The following PTPRR variants were observed in gnomAD, a reference collection of about 807,000 sequenced individuals.
PTPRR encodes the protein protein tyrosine phosphatase receptor type R, also known as receptor-type tyrosine-protein phosphatase R.
PTPRR carries 38 observed loss-of-function variants against 77.2 expected under a neutral mutation model. The ratio of observed to expected loss-of-function variants is 0.49; its 90% confidence interval spans 0.38 to 0.65. PTPRR has a LOEUF of 0.65. Ranked by LOEUF, PTPRR falls within the 30% of genes least tolerant of loss-of-function variation. The probability of loss-of-function intolerance (pLI) is 0.00; values close to 1 mark genes in which losing one functional copy is unlikely to be tolerated. For missense variants in PTPRR, 744 were observed against 799.2 expected (o/e 0.93, Z 0.83); for synonymous variants, 299 against 283.1 (o/e 1.06, Z -0.57).
At chr12:70,647,586 G>A (rs1247357086) in intron 13 of PTPRR, among the ~76,000 whole-genome samples, 4 of 152,324 alleles carry the variant, frequency 2.6e-5, no homozygotes, top group South Asian at 2.1e-4. Context: ...TACATGCAGC[G>A]AAGCTGGTTG....
At chr12:70,802,501 T>C (rs922688077) in intron 2 of PTPRR, among the ~76,000 whole-genome samples, 1 of 152,222 alleles carries the variant, frequency 6.6e-6, no homozygotes, top group African/African-American at 2.4e-5. Context: ...ATTTTGTTAT[T>C]TACCTCCAAA....
chr12:70,915,973 A>T (rs1029640232), intron 1 of PTPRR, among the ~76,000 whole-genome samples: 1 of 152,230 alleles, frequency 6.6e-6, no homozygotes, highest in Non-Finnish European at 1.5e-5. Context: ...CCTCTAATAC[A>T]TGCAATAATA....
intron 2 of PTPRR, among the ~76,000 whole-genome samples, chr12:70,776,416 A>C (rs1394960998): frequency 6.6e-6 from 1 of 152,180 alleles, no homozygotes; most frequent in Admixed American, 6.5e-5. Flanking sequence ...TTAATTCCCC[A>C]TATGGACATC....
intron 10 of PTPRR, chr12:70,673,069 A>G: frequency 1.7e-6 from 2 of 1,168,924 alleles, no homozygotes; most frequent in Non-Finnish European, 2.2e-6. Context: ...AAAGAAATAT[A>G]TATTTGACTT....
At chr12:70,901,421 A>G (rs1002068805) in intron 1 of PTPRR, among the ~76,000 whole-genome samples, 1 of 151,780 alleles carries the variant, frequency 6.6e-6, no homozygotes, top group Non-Finnish European at 1.5e-5. Flanking sequence ...ACATAGACCA[A>G]TGGAACAGAA....
intron 2 of PTPRR, among the ~76,000 whole-genome samples, chr12:70,828,041 G>A (rs533071364): frequency 1.2e-3 from 189 of 152,106 alleles, no homozygotes; most frequent in Non-Finnish European, 2.0e-3. Flanking sequence ...TCATAAGGGC[G>A]CTAATCCCGG....
intron 2 of PTPRR, among the ~76,000 whole-genome samples, chr12:70,848,488 A>T (rs1892522087): frequency 6.6e-6 from 1 of 152,016 alleles, no homozygotes; most frequent in Admixed American, 6.6e-5. Flanking sequence ...CTAATTTTTT[A>T]AATTATTTTA....
intron 2 of PTPRR, among the ~76,000 whole-genome samples, chr12:70,885,638 C>T (rs11178474): frequency 0.12 from 18,590 of 151,104 alleles, 2,125 homozygotes; most frequent in African/African-American, 0.31. Context: ...GGGTTCATGC[C>T]ATTCTCCTGC....
At chr12:70,672,052 G>A (rs966624543) in intron 10 of PTPRR, 16 of 1,312,114 alleles carry the variant, frequency 1.2e-5, no homozygotes, top group Non-Finnish European at 1.8e-5. Flanking sequence ...TGGGCCCAGA[G>A]ATGGAGAATG....
chr12:70,863,435 T>A (rs1654018328), intron 2 of PTPRR, among the ~76,000 whole-genome samples: 1 of 152,182 alleles, frequency 6.6e-6, no homozygotes, highest in Non-Finnish European at 1.5e-5. Flanking sequence ...TAATGTTACA[T>A]CTATTATTCT....
At chr12:70,729,691 C>G (rs1256066998) in intron 6 of PTPRR, among the ~76,000 whole-genome samples, 1 of 152,082 alleles carries the variant, frequency 6.6e-6, no homozygotes, top group Non-Finnish European at 1.5e-5. Flanking sequence ...TTATTAAGGT[C>G]TAATGTACAC....
intron 2 of PTPRR, among the ~76,000 whole-genome samples, chr12:70,807,254 CATGTGTAGACTTCTT>C (rs1187894793): frequency 6.6e-6 from 1 of 152,186 alleles, no homozygotes; most frequent in Non-Finnish European, 1.5e-5. Context: ...CAGGACTGCT[CATGTGTAGACTTCTT>C]ATATGTGAGA....
At chr12:70,728,408 A>G (rs1316540080) in intron 6 of PTPRR, among the ~76,000 whole-genome samples, 2 of 143,788 alleles carry the variant, frequency 1.4e-5, no homozygotes, top group Non-Finnish European at 3.0e-5. Context: ...AGCATTTCGG[A>G]TAAGGGATAC....
intron 1 of PTPRR, among the ~76,000 whole-genome samples, chr12:70,906,189 C>T (rs1045574252): frequency 2.6e-5 from 4 of 151,958 alleles, no homozygotes; most frequent in Non-Finnish European, 2.9e-5. Context: ...TCTCTCTTCT[C>T]GTCTGTGTTA....
At chr12:70,665,364 C>CT (rs72472808) in intron 10 of PTPRR, among the ~76,000 whole-genome samples, 794 of 44,596 alleles carry the variant, frequency 0.018, 165 homozygotes, top group Non-Finnish European at 0.028. Flanking sequence ...AATGCAAATT[C>CT]TTTTTTTTTT....
intron 2 of PTPRR, among the ~76,000 whole-genome samples, chr12:70,783,122 G>C (rs1592754749): frequency 6.6e-6 from 1 of 152,130 alleles, no homozygotes; most frequent in East Asian, 1.9e-4. Flanking sequence ...CTGAGTTCTT[G>C]TCCTGCATTC....
chr12:70,677,180 T>C (rs2136712016), intron 10 of PTPRR, among the ~76,000 whole-genome samples: 1 of 152,302 alleles, frequency 6.6e-6, no homozygotes, highest in South Asian at 2.1e-4. Context: ...TTGGTAGCAA[T>C]TGTAAATGGA....
At chr12:70,672,843 C>T (rs1247368543) in intron 10 of PTPRR, 12 of 1,560,544 alleles carry the variant, frequency 7.7e-6, no homozygotes, top group Non-Finnish European at 9.6e-6. Flanking sequence ...TAGGTGTCAT[C>T]ATCAGCAAGG....
intron 2 of PTPRR, among the ~76,000 whole-genome samples, chr12:70,866,028 C>T (rs1487486879): frequency 6.6e-6 from 1 of 152,014 alleles, no homozygotes; most frequent in Non-Finnish European, 1.5e-5. Context: ...GGGACACATT[C>T]AAAGCAGTGT....
Sources: allele counts gnomAD v4.1 joint callset (sites outside exome capture counted in the v4.1 genomes callset), GRCh38; gene constraint gnomAD v4.1.1; transcripts MANE v1.5; gene names NCBI Gene and HGNC (gene_info 2026-07-23, HGNC 2026-07-21).